Variants in KATNAL2 observed in about 807,000 individuals in gnomAD.
KATNAL2 encodes katanin catalytic subunit A1 like 2.
A neutral mutation model predicts 76.3 loss-of-function variants in KATNAL2; 52 were observed. The ratio of observed to expected loss-of-function variants is 0.68; its 90% CI spans 0.55 to 0.86. The LOEUF (loss-of-function observed/expected upper bound fraction) is 0.86, where lower values mean the gene tolerates loss of function less well. KATNAL2 is among the 40% of genes least tolerant of loss of function. The probability of loss-of-function intolerance (pLI) is 0.00; values close to 1 mark genes in which losing one functional copy is unlikely to be tolerated. For synonymous variants in KATNAL2, 243 were observed against 244.2 expected (o/e 1.00, Z 0.05); for missense variants, 660 against 668.9 (o/e 0.99, Z 0.15).
At chr18:47,081,059 CTT>C (rs959767346) in intron 15 of KATNAL2, among the ~76,000 whole-genome samples, 4 of 150,184 alleles carry the variant, frequency 2.7e-5, no homozygotes, top group Admixed American at 6.7e-5. Flanking sequence ...CTTCCCTCTT[CTT>C]TCTTTCCCGC....
intron 3 of KATNAL2, among the ~76,000 whole-genome samples, chr18:47,031,450 G>T (rs1187834874): frequency 6.6e-6 from 1 of 152,062 alleles, no homozygotes; most frequent in Non-Finnish European, 1.5e-5. Flanking sequence ...GGTGGGGGCG[G>T]GGTGTGTTTC....
At chr18:46,957,280 G>C (rs1248322175) in intron 3 of KATNAL2, among the ~76,000 whole-genome samples, 2 of 137,732 alleles carry the variant, frequency 1.5e-5, no homozygotes, top group Non-Finnish European at 3.1e-5. Flanking sequence ...TTTTGAGACG[G>C]AGTCTCGCTG....
At chr18:47,033,970 G>A (rs756573425) in intron 3 of KATNAL2, 16 of 1,613,276 alleles carry the variant, frequency 9.9e-6, no homozygotes, top group Non-Finnish European at 1.4e-5. Context: ...TTCCTGGACA[G>A]GAGGCAATTT....
chr18:47,057,259 A>G (rs1401263895), intron 6 of KATNAL2, among the ~76,000 whole-genome samples: 2 of 152,232 alleles, frequency 1.3e-5, no homozygotes, highest in East Asian at 3.8e-4. Context: ...CATCTCACAT[A>G]TGGGGACAAA....
intron 3 of KATNAL2, among the ~76,000 whole-genome samples, chr18:47,032,269 C>T (rs1336004483): frequency 3.3e-5 from 5 of 152,204 alleles, no homozygotes; most frequent in African/African-American, 9.7e-5. Context: ...TTCTTTGAGC[C>T]ATGCTCAGGT....
Position 47,099,419 on chromosome 18 carries a change from G to A in KATNAL2, c.1374+14G>A. On this transcript the variant is annotated intron_variant, in intron 16 of 17. Coordinates refer to ENST00000683218, the MANE Select transcript of KATNAL2 (RefSeq NM_001387690.1). The stretch of plus-strand genomic sequence containing the variant: ...GTGCTGAGCCAGGTCAGCTGCCCTG[G>A]AGAGGGGCACATGTAGGTCAAGGGC... The A allele has an allele frequency of 6.2e-7, 1 of 1,600,608 alleles. No homozygotes were observed.
At chr18:47,034,389 C>T in intron 3 of KATNAL2, 1 of 1,614,068 alleles carries the variant, frequency 6.2e-7, no homozygotes, top group Non-Finnish European at 8.5e-7. Flanking sequence ...CAGGGACACG[C>T]TGGCCGCTGC....
At chr18:47,043,729 T>G (rs1207047471) in intron 3 of KATNAL2, among the ~76,000 whole-genome samples, 5 of 151,936 alleles carry the variant, frequency 3.3e-5, no homozygotes, top group African/African-American at 4.8e-5. Context: ...TTTGATGGCA[T>G]GGGAAGTGAT....
chr18:46,948,887 A>AC (rs754952595), intron 3 of KATNAL2, among the ~76,000 whole-genome samples: 2,910 of 90,276 alleles, frequency 0.032, 35 homozygotes, highest in Non-Finnish European at 0.043. Context: ...AAGTATCTGC[A>AC]TTGTGTGTGT....
intron 1 of KATNAL2, among the ~76,000 whole-genome samples, chr18:46,934,771 T>C (rs991453367): frequency 6.6e-6 from 1 of 152,238 alleles, no homozygotes; most frequent in African/African-American, 2.4e-5. Context: ...CTAGGGTTTT[T>C]ATGGTTTTGG....
intron 15 of KATNAL2, among the ~76,000 whole-genome samples, chr18:47,095,766 G>A (rs185086642): frequency 8.4e-4 from 128 of 152,348 alleles, no homozygotes; most frequent in Non-Finnish European, 7.2e-4. Flanking sequence ...GACCAGTCAA[G>A]GGGAACAGCA....
chr18:46,954,326 CT>C (rs57075892), intron 3 of KATNAL2, among the ~76,000 whole-genome samples: 7,351 of 121,072 alleles, frequency 0.061, 167 homozygotes, highest in African/African-American at 0.085. Flanking sequence ...TCTTCTTCGT[CT>C]TTTTTTTTTT....
intron 3 of KATNAL2, among the ~76,000 whole-genome samples, chr18:46,953,926 C>A (rs941290638): frequency 1.3e-5 from 2 of 151,852 alleles, no homozygotes; most frequent in African/African-American, 2.4e-5. Flanking sequence ...TTTTCTGAGG[C>A]CTTCCATTTC....
At chr18:47,035,022 T>C in intron 3 of KATNAL2, 5 of 1,611,658 alleles carry the variant, frequency 3.1e-6, no homozygotes, top group Non-Finnish European at 4.2e-6. Context: ...GCCGGGTGTT[T>C]CGGTCCACGA....
intron 1 of KATNAL2, among the ~76,000 whole-genome samples, chr18:46,924,402 T>A (rs187835113): frequency 6.6e-6 from 1 of 152,324 alleles, no homozygotes; most frequent in Non-Finnish European, 1.5e-5. Context: ...GCAGCATTAT[T>A]TCTGAGGGCT....
chr18:47,047,138 C>T (rs546845845), intron 4 of KATNAL2, among the ~76,000 whole-genome samples: 54 of 152,200 alleles, frequency 3.5e-4, no homozygotes, highest in African/African-American at 1.3e-3. Flanking sequence ...CCATGCTGGT[C>T]TCAAATTCCT....
intron 13 of KATNAL2, among the ~76,000 whole-genome samples, chr18:47,074,207 G>T (rs555672272): frequency 6.6e-6 from 1 of 152,308 alleles, no homozygotes; most frequent in South Asian, 2.1e-4. Flanking sequence ...TCAGCCAGTT[G>T]TTCCTATAAA....
chr18:47,031,598 C>T (rs527956321), intron 3 of KATNAL2, among the ~76,000 whole-genome samples: 3 of 152,278 alleles, frequency 2.0e-5, no homozygotes, highest in Non-Finnish European at 4.4e-5. Flanking sequence ...CCAGCTACTT[C>T]TCCAGGAGAA....
intron 3 of KATNAL2, among the ~76,000 whole-genome samples, chr18:46,955,622 C>T (rs751940142): frequency 6.6e-6 from 1 of 152,116 alleles, no homozygotes; most frequent in Non-Finnish European, 1.5e-5. Context: ...TGCATTGGTG[C>T]CATCAAGGCT....
Sources: allele counts gnomAD v4.1 joint callset (sites outside exome capture counted in the v4.1 genomes callset), GRCh38; gene constraint gnomAD v4.1.1; transcripts MANE v1.5; gene names NCBI Gene and HGNC (gene_info 2026-07-23, HGNC 2026-07-21).